GALNT13: variants seen among roughly 807,000 people sequenced by gnomAD.
The protein encoded by GALNT13 is polypeptide N-acetylgalactosaminyltransferase 13.
A neutral mutation model predicts 64.2 loss-of-function variants in GALNT13; 28 were observed. The observed-to-expected ratio is 0.44, with a 90% CI of 0.32 to 0.60. The LOEUF (loss-of-function observed/expected upper bound fraction) is 0.60. Among genes scored for constraint, GALNT13 ranks in the 20% least tolerant of loss-of-function variants. GALNT13 has a pLI of 0.05. For missense variants in GALNT13, 577 were observed against 669.8 expected, an observed-to-expected ratio of 0.86 and a Z score of 1.53; for synonymous variants, 214 against 224.6, an observed-to-expected ratio of 0.95 and a Z score of 0.42.
the GALNT13 span, among the ~76,000 whole-genome samples, chr2:153,666,622 G>A: frequency 9.9e-5 from 15 of 152,172 alleles, no homozygotes; most frequent in East Asian, 3.9e-4. Context: ...TACCACCATC[G>A]AACCCTCAGA....
the GALNT13 span, among the ~76,000 whole-genome samples, chr2:153,266,308 T>C: frequency 6.6e-6 from 1 of 152,220 alleles, no homozygotes; most frequent in African/African-American, 2.4e-5. Flanking sequence ...TTTGACAACG[T>C]TAGAGAAAAC....
intron 3 of GALNT13, among the ~76,000 whole-genome samples, chr2:153,998,794 T>G (rs565427907): frequency 2.6e-5 from 4 of 152,268 alleles, no homozygotes; most frequent in African/African-American, 7.2e-5. Flanking sequence ...AAGTCTGTAC[T>G]CCATCTTGAG....
chr2:154,305,784 T>A (rs540143423), intron 9 of GALNT13, among the ~76,000 whole-genome samples: 54 of 152,348 alleles, frequency 3.5e-4, no homozygotes, highest in African/African-American at 1.3e-3. Context: ...TTGTATTCCT[T>A]GAAGTTTGAT....
chr2:153,134,780 C>T, the GALNT13 span, among the ~76,000 whole-genome samples: 1 of 152,092 alleles, frequency 6.6e-6, no homozygotes, highest in African/African-American at 2.4e-5. Context: ...ACTTGCTCTC[C>T]TCCCAGGCTT....
chr2:153,873,025 G>A (rs890352205), intron 1 of GALNT13, among the ~76,000 whole-genome samples: 2 of 151,996 alleles, frequency 1.3e-5, no homozygotes, highest in Non-Finnish European at 2.9e-5. Flanking sequence ...TTGTCTCTCC[G>A]TTTTGCAACA....
intron 11 of GALNT13, among the ~76,000 whole-genome samples, chr2:154,420,548 G>A (rs1466810594): frequency 6.6e-6 from 1 of 151,900 alleles, no homozygotes; most frequent in South Asian, 2.1e-4. Flanking sequence ...GTAACCTTCC[G>A]GCCAACATTT....
chr2:154,083,560 C>T (rs976514078), intron 3 of GALNT13, among the ~76,000 whole-genome samples: 6 of 147,962 alleles, frequency 4.1e-5, no homozygotes, highest in Non-Finnish European at 9.0e-5. Context: ...AATGTTTTTT[C>T]ATTTGTTTGG....
the GALNT13 span, among the ~76,000 whole-genome samples, chr2:153,617,925 T>C: frequency 6.6e-6 from 1 of 151,844 alleles, no homozygotes; most frequent in Non-Finnish European, 1.5e-5. Flanking sequence ...TTTTTTCATC[T>C]CTGATTTTAG....
the GALNT13 span, among the ~76,000 whole-genome samples, chr2:153,108,100 A>C: frequency 1.3e-4 from 19 of 151,498 alleles, no homozygotes; most frequent in Admixed American, 1.3e-3. Flanking sequence ...CTGATCTTGA[A>C]CTCCTGGCCT....
the GALNT13 span, among the ~76,000 whole-genome samples, chr2:153,629,790 C>T: frequency 6.8e-6 from 1 of 146,756 alleles, no homozygotes; most frequent in Admixed American, 6.7e-5. Context: ...TGAACTCAAA[C>T]AGATTTACAA....
the GALNT13 span, among the ~76,000 whole-genome samples, chr2:153,204,017 C>T: frequency 6.6e-6 from 1 of 152,166 alleles, no homozygotes; most frequent in Non-Finnish European, 1.5e-5. Flanking sequence ...AGATCAGTAT[C>T]CTGTTGCATG....
chr2:154,135,630 C>A (rs1682905941), intron 3 of GALNT13, among the ~76,000 whole-genome samples: 1 of 151,988 alleles, frequency 6.6e-6, no homozygotes, highest in Admixed American at 6.6e-5. Context: ...GAGAAATGGG[C>A]CAAAGCAAGT....
chr2:153,426,044 C>T, the GALNT13 span, among the ~76,000 whole-genome samples: 3 of 151,720 alleles, frequency 2.0e-5, no homozygotes, highest in Non-Finnish European at 4.4e-5. Context: ...CATACACTGT[C>T]TAATTATATA....
chr2:153,235,763 C>G, the GALNT13 span, among the ~76,000 whole-genome samples: 1 of 152,060 alleles, frequency 6.6e-6, no homozygotes, highest in Admixed American at 6.6e-5. Context: ...CAAGTTTATT[C>G]CCCTTTAAGG....
chr2:153,132,211 A>G, the GALNT13 span, among the ~76,000 whole-genome samples: 3 of 152,008 alleles, frequency 2.0e-5, no homozygotes, highest in Non-Finnish European at 2.9e-5. Context: ...GCAACCTCCT[A>G]TTTTCTTTCT....
the GALNT13 span, among the ~76,000 whole-genome samples, chr2:153,674,597 C>T: frequency 6.6e-6 from 1 of 152,124 alleles, no homozygotes; most frequent in Non-Finnish European, 1.5e-5. Context: ...CTTAAAAACC[C>T]TAGAAGAAAA....
At chr2:153,346,865 C>A in the GALNT13 span, among the ~76,000 whole-genome samples, 2 of 152,080 alleles carry the variant, frequency 1.3e-5, no homozygotes, top group Admixed American at 1.3e-4. Context: ...CATTATAATT[C>A]CCATTTTCCA....
intron 9 of GALNT13, among the ~76,000 whole-genome samples, chr2:154,340,363 TA>T (rs1695692301): frequency 6.6e-6 from 1 of 152,124 alleles, no homozygotes; most frequent in African/African-American, 2.4e-5. Context: ...AGCTGGGAAC[TA>T]CAGGTGCATG....
the GALNT13 span, among the ~76,000 whole-genome samples, chr2:153,243,232 G>T: frequency 6.6e-6 from 1 of 152,142 alleles, no homozygotes; most frequent in African/African-American, 2.4e-5. Context: ...ATGGTAGAAG[G>T]ACTGCACTAT....
Sources: gnomAD v4.1 joint callset for allele counts (sites outside exome capture counted in the v4.1 genomes callset) on GRCh38, gnomAD v4.1.1 for gene constraint, MANE v1.5 for transcripts, NCBI Gene and HGNC (gene_info 2026-07-23, HGNC 2026-07-21) for gene names.